Variants in WFDC11 observed in about 807,000 individuals in gnomAD.
WFDC11 encodes protein WFDC11.
A neutral mutation model predicts 9.9 loss-of-function variants in WFDC11; 9 were observed. The observed-to-expected ratio is 0.91, with a 90% CI of 0.55 to 1.58. WFDC11 has a LOEUF of 1.58. Among genes scored for constraint, WFDC11 ranks in the 40% most tolerant of loss-of-function variants. The probability of loss-of-function intolerance (pLI) is 0.00; values close to 1 mark genes in which losing one functional copy is unlikely to be tolerated. For missense variants in WFDC11, 106 were observed against 101.7 expected, an observed-to-expected ratio of 1.04 and a Z score of -0.18; for synonymous variants, 32 against 33.3, an observed-to-expected ratio of 0.96 and a Z score of 0.13.
chr20:45,663,539 T>G (rs954689894), intron 2 of WFDC11, among the ~76,000 whole-genome samples: 3 of 152,236 alleles, frequency 2.0e-5, no homozygotes, highest in African/African-American at 7.2e-5. Flanking sequence ...TTTTAGACCT[T>G]CCCTGCTTTC....
intron 2 of WFDC11, among the ~76,000 whole-genome samples, chr20:45,664,586 C>T (rs1017156999): frequency 6.6e-6 from 1 of 152,176 alleles, no homozygotes; most frequent in African/African-American, 2.4e-5. Flanking sequence ...TTAGTGCTTC[C>T]TTCAGGGCCC....
intron 2 of WFDC11, among the ~76,000 whole-genome samples, chr20:45,662,422 C>A (rs1019025381): frequency 2.0e-5 from 3 of 152,108 alleles, no homozygotes; most frequent in Admixed American, 2.0e-4. Flanking sequence ...CCTTGTCCTG[C>A]CTAATTGCCC....
intron 2 of WFDC11, among the ~76,000 whole-genome samples, chr20:45,663,910 G>T (rs898030911): frequency 2.6e-5 from 4 of 152,122 alleles, no homozygotes; most frequent in Admixed American, 2.6e-4. Flanking sequence ...TGTTGATTTG[G>T]GTGGAGAGTT....
At chr20:45,663,796 T>G (rs1983126451) in intron 2 of WFDC11, among the ~76,000 whole-genome samples, 1 of 152,188 alleles carries the variant, frequency 6.6e-6, no homozygotes, top group Non-Finnish European at 1.5e-5. Flanking sequence ...GAGAGACAGT[T>G]TGTTGTGATT....
intron 2 of WFDC11, among the ~76,000 whole-genome samples, chr20:45,657,552 G>T (rs1252364135): frequency 6.6e-6 from 1 of 152,138 alleles, no homozygotes. Flanking sequence ...CCTGCACGTT[G>T]TGCACATGTA....
At chr20:45,654,904 G>A (rs1600937629) in intron 2 of WFDC11, among the ~76,000 whole-genome samples, 1 of 152,110 alleles carries the variant, frequency 6.6e-6, no homozygotes, top group Non-Finnish European at 1.5e-5. Flanking sequence ...TCGCTGAATA[G>A]ACCAAAAATG....
At chr20:45,654,943 G>T (rs1425889091) in intron 2 of WFDC11, among the ~76,000 whole-genome samples, 1 of 152,106 alleles carries the variant, frequency 6.6e-6, no homozygotes, top group African/African-American at 2.4e-5. Context: ...ATAATTAATA[G>T]CTTACCAATC....
chr20:45,657,771 T>C (rs1329232894), intron 2 of WFDC11, among the ~76,000 whole-genome samples: 1 of 152,208 alleles, frequency 6.6e-6, no homozygotes, highest in African/African-American at 2.4e-5. Context: ...TTACATGAGC[T>C]ATTCAACACT....
At chr20:45,660,720 C>T (rs1983039647) in intron 2 of WFDC11, among the ~76,000 whole-genome samples, 1 of 152,084 alleles carries the variant, frequency 6.6e-6, no homozygotes, top group Non-Finnish European at 1.5e-5. Flanking sequence ...TCCAATTTCA[C>T]CCATGTCCCT....
chr20:45,650,958 G>A (rs1982792945), intron 2 of WFDC11, among the ~76,000 whole-genome samples: 1 of 152,126 alleles, frequency 6.6e-6, no homozygotes, highest in South Asian at 2.1e-4. Context: ...GTGAAGGTTT[G>A]TTACACAGGA....
At chr20:45,655,866 C>A (rs1396018091) in intron 2 of WFDC11, among the ~76,000 whole-genome samples, 1 of 152,080 alleles carries the variant, frequency 6.6e-6, no homozygotes, top group South Asian at 2.1e-4. Context: ...CCGAGGAATC[C>A]AACTTACAAT....
At chr20:45,650,209 T>TACAC (rs1438924138) in intron 3 of WFDC11, among the ~76,000 whole-genome samples, 2 of 98,424 alleles carry the variant, frequency 2.0e-5, no homozygotes, top group East Asian at 2.2e-3. Context: ...TTATGGTATA[T>TACAC]ATACACACAC....
chr20:45,660,448 G>A (rs1158008362), intron 2 of WFDC11, among the ~76,000 whole-genome samples: 1 of 151,630 alleles, frequency 6.6e-6, no homozygotes, highest in Non-Finnish European at 1.5e-5. Flanking sequence ...AAGTTTTAGG[G>A]TACATGTGCA....
intron 2 of WFDC11, among the ~76,000 whole-genome samples, chr20:45,654,220 T>C (rs530412698): frequency 6.6e-6 from 1 of 152,286 alleles, no homozygotes; most frequent in African/African-American, 2.4e-5. Flanking sequence ...ACAGAAATTA[T>C]AACAAACTGT....
intron 4 of WFDC11, 38 bp downstream of exon 4, chr20:45,649,219 G>C: frequency 1.2e-6 from 2 of 1,610,222 alleles, no homozygotes; most frequent in South Asian, 1.1e-5. Flanking sequence ...ATGAGAATCA[G>C]TGAAGATATA....
intron 2 of WFDC11, among the ~76,000 whole-genome samples, chr20:45,651,123 GT>G (rs1208354374): frequency 2.0e-5 from 3 of 152,102 alleles, no homozygotes; most frequent in African/African-American, 7.2e-5. Flanking sequence ...GTATTCATGA[GT>G]TCTCATCATT....
chr20:45,651,835 A>G (rs775005189), intron 2 of WFDC11, among the ~76,000 whole-genome samples: 50 of 148,822 alleles, frequency 3.4e-4, no homozygotes, highest in Non-Finnish European at 4.3e-4. Context: ...AGCCTCACAC[A>G]TTGCTAGTAC....
At chr20:45,651,896 C>A (rs1982815978) in intron 2 of WFDC11, among the ~76,000 whole-genome samples, 2 of 151,880 alleles carry the variant, frequency 1.3e-5, no homozygotes, top group African/African-American at 2.4e-5. Context: ...GGGAGGGGCA[C>A]CCTCCATTGC....
At chr20:45,665,701 G>T (rs1983173568) in intron 2 of WFDC11, among the ~76,000 whole-genome samples, 6 of 152,180 alleles carry the variant, frequency 3.9e-5, no homozygotes. Flanking sequence ...GTTGGAGTTT[G>T]CTGGAGGTCC....
Sources: gnomAD v4.1 joint callset for allele counts (sites outside exome capture counted in the v4.1 genomes callset) on GRCh38, gnomAD v4.1.1 for gene constraint, MANE v1.5 for transcripts, NCBI Gene and HGNC (gene_info 2026-07-23, HGNC 2026-07-21) for gene names.